Variants in CTIF observed in about 807,000 individuals in gnomAD.
The protein encoded by CTIF is cap binding complex dependent translation initiation factor, also known as CBP80/20-dependent translation initiation factor.
In CTIF, 21 loss-of-function variants were observed where a neutral mutation model predicts 66.0. The ratio of observed to expected loss-of-function variants is 0.32; its 90% CI spans 0.23 to 0.46. CTIF has a LOEUF of 0.46. Among genes scored for constraint, CTIF ranks in the 20% least tolerant of loss-of-function variants. The pLI is 1.00. For missense variants in CTIF, 739 were observed against 812.7 expected (o/e 0.91, Z 1.10); for synonymous variants, 345 against 326.4 (o/e 1.06, Z -0.62).
At chr18:48,658,872 C>A (rs1568111451) in intron 3 of CTIF, among the ~76,000 whole-genome samples, 1 of 152,060 alleles carries the variant, frequency 6.6e-6, no homozygotes, top group Non-Finnish European at 1.5e-5. Context: ...GGCAAGTGGG[C>A]CCTGGGGAAG....
chr18:48,619,753 C>A lies in CTIF; in HGVS notation c.180+8C>A. 2 of 1,559,972 alleles carry A rather than the reference C, an allele frequency of 1.3e-6. No individual in the cohort carries two copies. The highest frequency in any genetic ancestry group is 2.4e-5 in the South Asian group (2 of 83,246). On this transcript the variant is annotated splice_region_variant and intron_variant, in intron 2 of 11. Coordinates refer to ENST00000256413, the MANE Select transcript of CTIF (RefSeq NM_014772.3). ...CAGTCCCACATCTCCCAGGTGAGCG[C>A]GGGCCCGGGGTTGGGGCAGCTTGGG...
intron 1 of CTIF, among the ~76,000 whole-genome samples, chr18:48,541,217 C>A (rs2088609177): frequency 6.6e-6 from 1 of 152,166 alleles, no homozygotes; most frequent in South Asian, 2.1e-4. Flanking sequence ...AAGCCCAGCG[C>A]GCCCCAGCCC....
At chr18:48,665,342 C>T (rs2091419562) in intron 5 of CTIF, among the ~76,000 whole-genome samples, 1 of 152,204 alleles carries the variant, frequency 6.6e-6, no homozygotes, top group Non-Finnish European at 1.5e-5. Context: ...CTTTGTGTGG[C>T]AGGGTTGCCT....
intron 1 of CTIF, among the ~76,000 whole-genome samples, chr18:48,601,459 C>T (rs2090089131): frequency 6.6e-6 from 1 of 152,214 alleles, no homozygotes; most frequent in Non-Finnish European, 1.5e-5. Flanking sequence ...GGAAAGCTGT[C>T]CCCCCGAGGG....
At chr18:48,582,521 T>A (rs187367673) in intron 1 of CTIF, among the ~76,000 whole-genome samples, 5 of 152,114 alleles carry the variant, frequency 3.3e-5, no homozygotes, top group East Asian at 1.9e-4. Context: ...TGCCTCAGGG[T>A]CCCCTCTGTG....
At chr18:48,832,749 G>C (rs962518340) in intron 10 of CTIF, among the ~76,000 whole-genome samples, 1 of 152,208 alleles carries the variant, frequency 6.6e-6, no homozygotes, top group Admixed American at 6.5e-5. Flanking sequence ...GGTTTCCCAG[G>C]GTTAAAAGCC....
intron 7 of CTIF, among the ~76,000 whole-genome samples, chr18:48,748,937 A>C (rs975899975): frequency 6.6e-6 from 1 of 152,208 alleles, no homozygotes; most frequent in Non-Finnish European, 1.5e-5. Context: ...AAGTTCCTTC[A>C]TTAAGTGAGC....
At chr18:48,657,588 G>A (rs1271457977) in intron 3 of CTIF, among the ~76,000 whole-genome samples, 3 of 152,140 alleles carry the variant, frequency 2.0e-5, no homozygotes, top group Non-Finnish European at 4.4e-5. Flanking sequence ...ACAATGACGA[G>A]AGGAATCAGC....
rs56745285 is a variant in CTIF, at chr18:48,822,505, A to AACAC, written c.1527+5161_1527+5164dup. Among the ~76,000 whole-genome samples, 748 of 107,658 alleles carry AACAC rather than the reference A, an allele frequency of 6.9e-3. 9 individuals are homozygous for AACAC. The highest frequency in any genetic ancestry group is 0.025 in the African/African-American group (694 of 27,786). The allele number at this position is 107,658 out of a possible 152,430, so 70.6% of individuals were successfully genotyped here. ...TCTTCATCTCCCCACCCCCACCCCC[A>AACAC]ACACACACACACACACACACACACA... On this transcript the variant is annotated intron_variant, in intron 10 of 11. Coordinates refer to ENST00000256413, the MANE Select transcript of CTIF (RefSeq NM_014772.3).
chr18:48,696,654 C>T (rs990121245), intron 6 of CTIF, among the ~76,000 whole-genome samples: 5 of 152,188 alleles, frequency 3.3e-5, no homozygotes, highest in Non-Finnish European at 5.9e-5. Flanking sequence ...GTGTTTCTAT[C>T]TGTCATCTCC....
chr18:48,573,171 A>AT (rs1188664568), intron 1 of CTIF, among the ~76,000 whole-genome samples: 3 of 152,150 alleles, frequency 2.0e-5, no homozygotes, highest in Non-Finnish European at 4.4e-5. Context: ...ACTAAGAGGC[A>AT]TTTGGGCTTC....
intron 10 of CTIF, among the ~76,000 whole-genome samples, chr18:48,848,039 T>C (rs1375680024): frequency 3.9e-5 from 6 of 152,056 alleles, no homozygotes; most frequent in South Asian, 4.2e-4. Flanking sequence ...TCCCGGAGGG[T>C]ACTCCTGACG....
At chr18:48,687,351 C>CACACACACACACACA (rs2091858043) in intron 6 of CTIF, among the ~76,000 whole-genome samples, 3 of 146,646 alleles carry the variant, frequency 2.0e-5, no homozygotes, top group South Asian at 2.2e-4. Context: ...CACACACACA[C>CACACACACACACACA]CAAGCTTACC....
intron 1 of CTIF, among the ~76,000 whole-genome samples, chr18:48,612,484 G>A (rs1057329442): frequency 2.0e-5 from 3 of 152,226 alleles, no homozygotes; most frequent in South Asian, 2.1e-4. Flanking sequence ...ACCAGGGCCC[G>A]AAAGCCAGCA....
intron 1 of CTIF, among the ~76,000 whole-genome samples, chr18:48,569,647 G>A (rs1330396763): frequency 2.0e-5 from 3 of 152,192 alleles, no homozygotes; most frequent in African/African-American, 7.2e-5. Flanking sequence ...TTAAAAGCAG[G>A]ACAGACAACC....
In CTIF at chr18:48,703,299, GC is replaced by G. The variant is rs1419605888; in HGVS notation, c.508-8319del. Among the ~76,000 whole-genome samples the G allele has an allele frequency of 4.6e-5, 7 of 152,228 alleles. No individual in the cohort carries two copies. In the East Asian group the frequency reaches 1.3e-3, roughly 29 times the overall value. On this transcript the variant is annotated intron_variant, in intron 6 of 11. Transcript: ENST00000256413. ...CACTGTGGGGGCAGACAGGTGATCAGCTGGGAGGGAGCAGGGTTGGAGCTGC... is the reference window on the plus strand; with the variant it reads ...CACTGTGGGGGCAGACAGGTGATCAGTGGGAGGGAGCAGGGTTGGAGCTGC...
intron 10 of CTIF, among the ~76,000 whole-genome samples, chr18:48,825,033 C>T (rs767488551): frequency 6.6e-6 from 1 of 152,316 alleles, no homozygotes; most frequent in South Asian, 2.1e-4. Context: ...CCTTTCTTCT[C>T]TCCATCCAAT....
At chr18:48,797,497 T>TGG (rs1362766693) in intron 9 of CTIF, among the ~76,000 whole-genome samples, 137 of 138,370 alleles carry the variant, frequency 9.9e-4, no homozygotes, top group African/African-American at 1.5e-3. Context: ...AGAAAAGGGG[T>TGG]GGGGGGGCAA....
At chr18:48,717,123 G>A (rs924418295) in intron 7 of CTIF, among the ~76,000 whole-genome samples, 2 of 152,196 alleles carry the variant, frequency 1.3e-5, no homozygotes, top group African/African-American at 2.4e-5. Context: ...TTGGGGCCGG[G>A]CGTGGAGGCT....
Sources: gnomAD v4.1 joint callset for allele counts (sites outside exome capture counted in the v4.1 genomes callset) on GRCh38, gnomAD v4.1.1 for gene constraint, MANE v1.5 for transcripts, NCBI Gene and HGNC (gene_info 2026-07-23, HGNC 2026-07-21) for gene names.